The following PLXNA2 variants were observed in gnomAD, a reference collection of about 807,000 sequenced individuals.
PLXNA2 encodes the protein plexin-A2.
Under a neutral mutation model 193.5 loss-of-function variants are expected in PLXNA2, and 91 were observed. The ratio of observed to expected loss-of-function variants is 0.47; its 90% CI spans 0.40 to 0.56. The LOEUF (loss-of-function observed/expected upper bound fraction) is 0.56, where lower values mean the gene tolerates loss of function less well. Ranked by LOEUF, PLXNA2 falls within the 20% of genes least tolerant of loss-of-function variation. The probability of loss-of-function intolerance (pLI) is 0.00; values close to 1 mark genes in which losing one functional copy is unlikely to be tolerated. For missense variants in PLXNA2, 1,995 were observed against 2,503.2 expected, an observed-to-expected ratio of 0.80 and a Z score of 4.33; for synonymous variants, 997 against 1,027.3, an observed-to-expected ratio of 0.97 and a Z score of 0.56.
chr1:208,039,329 G>A (rs959644742), intron 24 of PLXNA2, among the ~76,000 whole-genome samples: 1 of 151,844 alleles, frequency 6.6e-6, no homozygotes, highest in South Asian at 2.1e-4. Context: ...AAGCCTCTAT[G>A]TTAGGAACCA....
chr1:208,074,642 G>A (rs531431779), intron 12 of PLXNA2, among the ~76,000 whole-genome samples: 19 of 152,286 alleles, frequency 1.2e-4, no homozygotes, highest in African/African-American at 2.9e-4. Context: ...CTAACTATGC[G>A]TGAGCCCACT....
chr1:208,166,650 A>C (rs1669320215), intron 3 of PLXNA2, among the ~76,000 whole-genome samples: 1 of 152,230 alleles, frequency 6.6e-6, no homozygotes. Context: ...CATGGGTTCC[A>C]GGGTGAGGAA....
chr1:208,031,018 G>T, intron 29 of PLXNA2: 6 of 987,762 alleles, frequency 6.1e-6, no homozygotes, highest in Non-Finnish European at 7.2e-6. Flanking sequence ...AAGCTATGGC[G>T]CCAGGATAAT....
At chr1:208,064,911 C>T (rs1360344720) in intron 12 of PLXNA2, among the ~76,000 whole-genome samples, 1 of 152,136 alleles carries the variant, frequency 6.6e-6, no homozygotes, top group Non-Finnish European at 1.5e-5. Flanking sequence ...AGACTGTGTC[C>T]CCAGGGCTCT....
rs796118000 is a variant in PLXNA2, at chr1:208,156,572, G to A, written c.1372-14109C>T. 6.6e-5 allele frequency among the ~76,000 whole-genome samples: 10 copies of A among 152,256 alleles called. 1 individual carries two copies. Among genetic ancestry groups the A allele is most frequent in the African/African-American group, 2.4e-4 (10 of 41,548 alleles). ...GCCAGTAGTAGAAAGGCATGCAAAC[G>A]AGTCAGTTTGATTATAAAATCTTTT... On this transcript the variant is annotated intron_variant, in intron 3 of 31. Coordinates refer to ENST00000367033, the MANE Select transcript of PLXNA2 (RefSeq NM_025179.4).
intron 4 of PLXNA2, among the ~76,000 whole-genome samples, chr1:208,134,903 C>T (rs1287754402): frequency 6.6e-6 from 1 of 152,188 alleles, no homozygotes; most frequent in East Asian, 1.9e-4. Flanking sequence ...AGGGACTTAA[C>T]AGTTCAGTAG....
At chr1:208,057,830 A>T (rs1665484928) in intron 13 of PLXNA2, among the ~76,000 whole-genome samples, 1 of 152,180 alleles carries the variant, frequency 6.6e-6, no homozygotes, top group Admixed American at 6.5e-5. Flanking sequence ...GCCACAGATA[A>T]TCTTTACAAT....
Position 208,042,317 on chromosome 1 carries a change from G to C in PLXNA2, c.4067C>G (p.Ala1356Gly). Residue 1356 changes from alanine (A) to glycine (G), a missense_variant, in exon 22 of 32, where the codon GCC (alanine) becomes GGC (glycine). By Grantham distance (60) the Ala-to-Gly change is moderately conservative. This residue lies in a region of PLXNA2 where 1,291 missense variants were observed against 1,673.6 expected (regional missense o/e 0.77). Transcript: ENST00000367033. Reference sequence around the variant, plus strand: ...GAACACCTTGTTGTTGATGAGCTGGGCAAAGAGCTTCAGGGCCTTCTCCAC... The same window carrying C: ...GAACACCTTGTTGTTGATGAGCTGGCCAAAGAGCTTCAGGGCCTTCTCCAC... Reference protein sequence around the residue: ...QHVEKALKLFAQLINNKVFLL... With the variant: ...QHVEKALKLFGQLINNKVFLL... 1 of 1,614,186 alleles carries C rather than the reference G, an allele frequency of 6.2e-7. No individual in the cohort carries two copies. The highest frequency in any genetic ancestry group is 8.5e-7 in the Non-Finnish European group (1 of 1,180,024).
intron 1 of PLXNA2, among the ~76,000 whole-genome samples, chr1:208,224,684 C>G (rs1309873653): frequency 2.6e-5 from 4 of 152,068 alleles, no homozygotes; most frequent in Admixed American, 6.5e-5. Context: ...GTGGCTATAC[C>G]TTGCCCCAGA....
chr1:208,096,812 C>T lies in PLXNA2; in HGVS notation c.1803G>A (p.Glu601=), dbSNP rs1291615285. The part of the protein sequence containing the change: ...GIACAFGNLT[E]VEGQVSGSQV... ...GGCTCCCGGACACCTGCCCCTCCAC[C>T]TCTGTCAGGTTCCCAAAGGCACAGG... The change falls in exon 7 of 32, where the codon GAG becomes GAA. Residue 601 remains glutamate, a synonymous_variant. Coordinates refer to ENST00000367033, the MANE Select transcript of PLXNA2 (RefSeq NM_025179.4). The T allele has an allele frequency of 6.2e-7, 1 of 1,614,150 alleles. No individual in the cohort carries two copies. Among genetic ancestry groups the T allele is most frequent in the East Asian group, 2.2e-5 (1 of 44,872 alleles).
intron 12 of PLXNA2, among the ~76,000 whole-genome samples, chr1:208,075,326 T>G (rs551417185): frequency 2.1e-4 from 32 of 150,874 alleles, no homozygotes; most frequent in African/African-American, 3.6e-4. Flanking sequence ...AAAAAAATAA[T>G]AAGAAAAGAA....
chr1:208,085,858 C>T (rs1006615531), intron 9 of PLXNA2, among the ~76,000 whole-genome samples: 1 of 152,222 alleles, frequency 6.6e-6, no homozygotes, highest in Non-Finnish European at 1.5e-5. Context: ...TTTGAACATG[C>T]TTTTCCGTCT....
At chr1:208,101,799 C>T (rs528571200) in intron 5 of PLXNA2, among the ~76,000 whole-genome samples, 56 of 152,304 alleles carry the variant, frequency 3.7e-4, no homozygotes, top group African/African-American at 1.3e-3. Context: ...GTGGCGGAGG[C>T]ATGGGGAGTA....
chr1:208,192,307 GGT>G (rs35987334), intron 3 of PLXNA2, among the ~76,000 whole-genome samples: 7,459 of 149,256 alleles, frequency 0.05, 269 homozygotes, highest in South Asian at 0.13. Context: ...GTTTGGGGAT[GGT>G]GTGTGTGTGT....
chr1:208,074,238 T>C (rs1343651189), intron 12 of PLXNA2, among the ~76,000 whole-genome samples: 1 of 152,138 alleles, frequency 6.6e-6, no homozygotes, highest in Non-Finnish European at 1.5e-5. Flanking sequence ...CACCCTCCTC[T>C]TTGAGGTCCC....
At chr1:208,127,144 C>A (rs1470386707) in intron 4 of PLXNA2, among the ~76,000 whole-genome samples, 1 of 152,162 alleles carries the variant, frequency 6.6e-6, no homozygotes, top group African/African-American at 2.4e-5. Flanking sequence ...CCAATTCCAA[C>A]ATGGGCAATG....
chr1:208,194,460 C>CAAAAAAAAAAA (rs10522096), intron 3 of PLXNA2, among the ~76,000 whole-genome samples: 3 of 93,986 alleles, frequency 3.2e-5, no homozygotes, highest in South Asian at 3.5e-4. Context: ...CAGCTTACTG[C>CAAAAAAAAAAA]AAAAAAAAAA....
chr1:208,106,469 G>A (rs1382024876), intron 4 of PLXNA2, among the ~76,000 whole-genome samples: 1 of 152,164 alleles, frequency 6.6e-6, no homozygotes, highest in African/African-American at 2.4e-5. Context: ...ATTCAAAGAG[G>A]GCTGAGGGAA....
At chr1:208,041,477 G>A (rs909129062) in intron 22 of PLXNA2, among the ~76,000 whole-genome samples, 1 of 152,312 alleles carries the variant, frequency 6.6e-6, no homozygotes, top group African/African-American at 2.4e-5. Context: ...CAGAAGGCAC[G>A]GCCTTCTAGG....
Sources: gnomAD v4.1 joint callset for allele counts (sites outside exome capture counted in the v4.1 genomes callset) on GRCh38, gnomAD v4.1.1 for gene constraint, gnomAD v4.1.1 regional missense constraint, MANE v1.5 for transcripts, NCBI Gene and HGNC (gene_info 2026-07-23, HGNC 2026-07-21) for gene names.